Variants in LTBP1 observed in about 807,000 individuals in gnomAD.
LTBP1 encodes the protein latent-transforming growth factor beta-binding protein 1.
A neutral mutation model predicts 207.6 loss-of-function variants in LTBP1; 129 were observed. The observed-to-expected ratio is 0.62, with a 90% CI of 0.54 to 0.72. LTBP1 has a LOEUF of 0.72. Among genes scored for constraint, LTBP1 ranks in the 30% least tolerant of loss-of-function variants. The pLI, the probability that LTBP1 is intolerant of heterozygous loss-of-function variation, is 0.00. For synonymous variants in LTBP1, 963 were observed against 833.7 expected, an observed-to-expected ratio of 1.16 and a Z score of -2.67; for missense variants, 2,281 against 2,217.2, an observed-to-expected ratio of 1.03 and a Z score of -0.58.
intron 9 of LTBP1, among the ~76,000 whole-genome samples, chr2:33,231,150 A>T (rs547069786): frequency 1.3e-5 from 2 of 152,318 alleles, no homozygotes; most frequent in East Asian, 3.9e-4. Context: ...AATGAGCAGG[A>T]TGCAATGTGC....
chr2:32,992,145 C>T (rs888963102), intron 2 of LTBP1, among the ~76,000 whole-genome samples: 2 of 152,206 alleles, frequency 1.3e-5, no homozygotes, highest in African/African-American at 2.4e-5. Flanking sequence ...GTACTGTCCT[C>T]AGTGCCTGGG....
At chr2:33,193,031 T>C (rs949243155) in intron 7 of LTBP1, among the ~76,000 whole-genome samples, 1 of 152,212 alleles carries the variant, frequency 6.6e-6, no homozygotes, top group African/African-American at 2.4e-5. Context: ...ACATGAACTT[T>C]GGGGGACACA....
At chr2:33,280,880 G>T (rs2093547371) in intron 19 of LTBP1, among the ~76,000 whole-genome samples, 1 of 152,114 alleles carries the variant, frequency 6.6e-6, no homozygotes, top group Admixed American at 6.6e-5. Context: ...ACCAGCCTGG[G>T]CAGCATAGCA....
chr2:33,083,274 C>T (rs1460392796), intron 3 of LTBP1, among the ~76,000 whole-genome samples: 1 of 151,816 alleles, frequency 6.6e-6, no homozygotes, highest in Non-Finnish European at 1.5e-5. Flanking sequence ...GATCAATGAA[C>T]ATAAGGACCT....
At chr2:33,192,587 A>G (rs748916200) in intron 7 of LTBP1, among the ~76,000 whole-genome samples, 24 of 152,178 alleles carry the variant, frequency 1.6e-4, no homozygotes, top group Non-Finnish European at 2.2e-4. Context: ...CACAAAAAAT[A>G]AGTGTAATAT....
Position 33,334,926 on chromosome 2 carries a change from A to G in LTBP1, c.3731-7912A>G, listed in dbSNP as rs1260823998. On this transcript the variant is annotated intron_variant, in intron 24 of 33. Transcript: ENST00000404816. ...TCTACTAAAAATTAAAAAAAAAAAA[A>G]AAAAATGCCAGGCATGGCAGCATAC... Among the ~76,000 whole-genome samples, 4 of 151,664 alleles carry G rather than the reference A, an allele frequency of 2.6e-5. No homozygotes were observed. In the East Asian group the frequency reaches 7.8e-4, roughly 29 times the overall value.
intron 2 of LTBP1, among the ~76,000 whole-genome samples, chr2:32,964,920 G>A (rs889710180): frequency 2.0e-5 from 3 of 152,012 alleles, no homozygotes; most frequent in Non-Finnish European, 2.9e-5. Flanking sequence ...TGCACCTGTA[G>A]TCCCAGCTAC....
At chr2:33,221,033 C>T (rs576508123) in intron 8 of LTBP1, among the ~76,000 whole-genome samples, 5 of 152,230 alleles carry the variant, frequency 3.3e-5, no homozygotes, top group Admixed American at 3.3e-4. Flanking sequence ...TTTCTACTTT[C>T]CCCTTTTACT....
chr2:33,174,649 A>C (rs891925094), intron 5 of LTBP1, among the ~76,000 whole-genome samples: 47 of 152,346 alleles, frequency 3.1e-4, no homozygotes, highest in African/African-American at 1.1e-3. Context: ...AGAATTGGAA[A>C]AAACTACTTT....
chr2:33,116,774 C>A (rs2080770174), intron 4 of LTBP1, among the ~76,000 whole-genome samples: 1 of 150,672 alleles, frequency 6.6e-6, no homozygotes. Flanking sequence ...ACACACAGTA[C>A]CATTAAATTG....
intron 3 of LTBP1, among the ~76,000 whole-genome samples, chr2:33,054,403 A>T (rs1384292204): frequency 6.6e-6 from 1 of 152,172 alleles, no homozygotes; most frequent in Non-Finnish European, 1.5e-5. Flanking sequence ...CTGGGCGGGC[A>T]TTTTTTAGCC....
intron 3 of LTBP1, among the ~76,000 whole-genome samples, chr2:33,083,531 G>T (rs542949925): frequency 6.6e-6 from 1 of 151,970 alleles, no homozygotes; most frequent in Non-Finnish European, 1.5e-5. Flanking sequence ...AACAGGAGAG[G>T]GGGGAATCTG....
At chr2:33,352,714 C>T (rs576366285) in intron 26 of LTBP1, among the ~76,000 whole-genome samples, 7 of 152,120 alleles carry the variant, frequency 4.6e-5, no homozygotes, top group African/African-American at 1.7e-4. Flanking sequence ...ACATAGATAT[C>T]GGTTTAAATC....
chr2:33,283,049 A>T (rs1169505025), intron 19 of LTBP1, among the ~76,000 whole-genome samples: 1 of 146,602 alleles, frequency 6.8e-6, no homozygotes, highest in Non-Finnish European at 1.5e-5. Context: ...GCGACAGAGC[A>T]AGACTCCATC....
At chr2:33,251,789 G>A (rs555231171) in intron 10 of LTBP1, among the ~76,000 whole-genome samples, 27 of 151,814 alleles carry the variant, frequency 1.8e-4, no homozygotes, top group East Asian at 7.7e-4. Context: ...AATGGGCGGC[G>A]GGGGGACACC....
At chr2:33,185,792 A>G (rs924798035) in intron 5 of LTBP1, among the ~76,000 whole-genome samples, 3 of 152,200 alleles carry the variant, frequency 2.0e-5, no homozygotes, top group Admixed American at 2.0e-4. Flanking sequence ...GGCCCAAGAT[A>G]GATTGTAGCG....
intron 5 of LTBP1, among the ~76,000 whole-genome samples, chr2:33,161,741 G>C (rs530728574): frequency 2.4e-4 from 36 of 152,326 alleles, no homozygotes; most frequent in Non-Finnish European, 4.9e-4. Context: ...AACAAAGAAA[G>C]TAGAAACTTT....
intron 4 of LTBP1, among the ~76,000 whole-genome samples, chr2:33,128,660 C>T (rs915482904): frequency 1.3e-5 from 2 of 152,212 alleles, no homozygotes; most frequent in East Asian, 3.9e-4. Context: ...CCTTCACTCT[C>T]TCTAGTTCCC....
At chr2:33,154,638 C>T (rs1230126840) in intron 5 of LTBP1, among the ~76,000 whole-genome samples, 25 of 152,132 alleles carry the variant, frequency 1.6e-4, no homozygotes, top group Middle Eastern at 3.4e-3. Flanking sequence ...ATCATCCAAG[C>T]GACAGTGAAT....
Sources: gnomAD v4.1 joint callset for allele counts (sites outside exome capture counted in the v4.1 genomes callset) on GRCh38, gnomAD v4.1.1 for gene constraint, MANE v1.5 for transcripts, NCBI Gene and HGNC (gene_info 2026-07-23, HGNC 2026-07-21) for gene names.